DDR2: variants seen among roughly 807,000 people sequenced by gnomAD.
The protein encoded by DDR2 is discoidin domain-containing receptor 2.
A neutral mutation model predicts 94.9 loss-of-function variants in DDR2; 27 were observed. The observed-to-expected ratio is 0.28, with a 90% CI of 0.21 to 0.39. The LOEUF is 0.39. DDR2 is among the 10% of genes least tolerant of loss of function. The probability of loss-of-function intolerance (pLI) is 1.00; values close to 1 mark genes in which losing one functional copy is unlikely to be tolerated. For missense variants in DDR2, 783 were observed against 1,076.0 expected (o/e 0.73, Z 3.81); for synonymous variants, 382 against 377.2 (o/e 1.01, Z -0.15).
At chr1:162,775,945 A>AT in intron 15 of DDR2, 102 bp downstream of exon 15, 1 of 1,510,482 alleles carries the variant, frequency 6.6e-7, no homozygotes, top group Non-Finnish European at 9.1e-7. Context: ...ATGTTCTGGG[A>AT]TGGTGGGGGA....
chr1:162,766,683 C>T (rs1241707093), intron 10 of DDR2, among the ~76,000 whole-genome samples: 2 of 152,070 alleles, frequency 1.3e-5, no homozygotes, highest in Non-Finnish European at 2.9e-5. Flanking sequence ...CTCTGTCTGA[C>T]ACATGGAGAG....
chr1:162,734,900 G>A (rs77839851), intron 3 of DDR2, among the ~76,000 whole-genome samples: 3,032 of 152,268 alleles, frequency 0.02, 80 homozygotes, highest in African/African-American at 0.059. Context: ...GCTAATTTGG[G>A]CTATTGTGTG....
intron 1 of DDR2, among the ~76,000 whole-genome samples, chr1:162,641,649 A>G (rs1180732636): frequency 6.6e-6 from 1 of 152,240 alleles, no homozygotes; most frequent in Non-Finnish European, 1.5e-5. Flanking sequence ...TTTAGAGGGC[A>G]GTAATTGAAA....
rs1571252400 is a variant in DDR2, at chr1:162,728,138, C to CTCTT, written c.82+8994_82+8995insCTTT. ...ATAGATATAATCACACTATATATAT[C>CTCTT]TATATATAGATATATCTATATAAAT... On this transcript the variant is annotated intron_variant, in intron 3 of 17. Coordinates refer to ENST00000367921, the MANE Select transcript of DDR2 (RefSeq NM_006182.4). 4.3e-4 allele frequency among the ~76,000 whole-genome samples: 58 copies of CTCTT among 135,244 alleles called. 2 individuals carry two copies. The East Asian group carries it at 6.0e-3, about 14-fold the overall frequency. The allele number at this position is 135,244 out of a possible 152,430, so 88.7% of individuals were successfully genotyped here. A position where few individuals can be genotyped will look rare whatever the true frequency, so the allele number is the denominator to read the frequency against.
intron 9 of DDR2, among the ~76,000 whole-genome samples, chr1:162,763,794 G>A (rs1158689129): frequency 1.3e-5 from 2 of 152,016 alleles, no homozygotes; most frequent in Non-Finnish European, 2.9e-5. Flanking sequence ...AAGATTGTGA[G>A]TTTACATTGT....
At chr1:162,689,716 A>G (rs1659871217) in intron 2 of DDR2, among the ~76,000 whole-genome samples, 1 of 151,776 alleles carries the variant, frequency 6.6e-6, no homozygotes, top group Non-Finnish European at 1.5e-5. Flanking sequence ...CAGAAGACAG[A>G]ATGCCAGCTG....
At chr1:162,658,452 T>C (rs1658117767) in intron 2 of DDR2, among the ~76,000 whole-genome samples, 1 of 152,040 alleles carries the variant, frequency 6.6e-6, no homozygotes, top group African/African-American at 2.4e-5. Flanking sequence ...AAGCTCAGGA[T>C]CAGTGTTCAA....
rs576699968 is a variant in DDR2, at chr1:162,748,388, T to A, written c.83-4707T>A. Among the ~76,000 whole-genome samples, 349 of 152,114 alleles carry A rather than the reference T, an allele frequency of 2.3e-3. 1 individual carries two copies. The highest frequency in any genetic ancestry group is 7.2e-3 in the African/African-American group (300 of 41,474). ...AAAACAGACTTTAAACCAGCAAGGA[T>A]CAAAAGAGACAAAGAAGGCCATTAC... is the stretch of plus-strand genomic sequence containing the variant. On this transcript the variant is annotated intron_variant, in intron 3 of 17. Transcript: ENST00000367921.
rs116001119 is a variant in DDR2 at position 162,688,019 on chromosome 1, G to C, written c.-27-31018G>C. On this transcript the variant is annotated intron_variant, in intron 2 of 17. Transcript: ENST00000367921. The stretch of plus-strand genomic sequence containing the variant: ...AGGCTGACTCAGTCCAAAGGTGACT[G>C]TTTTGGAAACTTTGAATGAGATTGG... Among the ~76,000 whole-genome samples the C allele has an allele frequency of 2.6e-3, 396 of 152,300 alleles. 2 individuals are homozygous for C. Among genetic ancestry groups the C allele is most frequent in the African/African-American group, 9.1e-3 (377 of 41,560 alleles).
intron 2 of DDR2, among the ~76,000 whole-genome samples, chr1:162,656,833 GT>G (rs761726921): frequency 0.13 from 8,557 of 66,056 alleles, 613 homozygotes; most frequent in Middle Eastern, 0.27. Flanking sequence ...TGCCACTGGA[GT>G]TTTTTTTTTT....
At position 162,785,843 on chromosome 1, in the gene DDR2, C is replaced by G. The variant is rs185704118; in HGVS notation, c.*5597C>G. 24 of 152,266 alleles carry G rather than the reference C, an allele frequency of 1.6e-4. No individual in the cohort carries two copies. Among genetic ancestry groups the G allele is most frequent in the African/African-American group, 5.5e-4 (23 of 41,564 alleles). The allele number at this position is 152,266 out of a possible 1,614,324, so 9.4% of individuals were successfully genotyped here. The stretch of plus-strand genomic sequence containing the variant: ...ATGGAGAAATTGATCTATAGAACTG[C>G]TTAATTTTTTGAGGCATTTAGACAG... On this transcript the variant is annotated 3_prime_UTR_variant, in exon 18 of 18. Coordinates refer to ENST00000367921, the MANE Select transcript of DDR2 (RefSeq NM_006182.4).
At chr1:162,741,551 T>A in intron 3 of DDR2, 1 of 984,578 alleles carries the variant, frequency 1.0e-6, no homozygotes, top group Non-Finnish European at 1.2e-6. Flanking sequence ...GACAGCACTT[T>A]GCAAACTGTT....
intron 2 of DDR2, among the ~76,000 whole-genome samples, chr1:162,709,458 T>C (rs1660799974): frequency 6.6e-6 from 1 of 152,214 alleles, no homozygotes; most frequent in Non-Finnish European, 1.5e-5. Context: ...GAGGTCACTT[T>C]GCTTTTTGGG....
intron 1 of DDR2, among the ~76,000 whole-genome samples, chr1:162,639,317 G>A (rs1485947301): frequency 6.6e-6 from 1 of 152,308 alleles, no homozygotes; most frequent in East Asian, 1.9e-4. Flanking sequence ...ACAGAATAGA[G>A]AGCCCAGATA....
At chr1:162,755,845 C>A in intron 7 of DDR2, 76 bp downstream of exon 7, 1 of 1,242,542 alleles carries the variant, frequency 8.0e-7, no homozygotes, top group South Asian at 1.2e-5. Flanking sequence ...GTCTTGGGAT[C>A]AATAATCAAT....
intron 1 of DDR2, among the ~76,000 whole-genome samples, chr1:162,649,488 C>T (rs1004697472): frequency 9.2e-5 from 14 of 152,178 alleles, no homozygotes; most frequent in African/African-American, 2.9e-4. Context: ...TGTCTCTGAG[C>T]CTCAGTTTCC....
intron 1 of DDR2, among the ~76,000 whole-genome samples, chr1:162,642,632 A>G (rs1657198151): frequency 6.6e-6 from 1 of 152,066 alleles, no homozygotes; most frequent in Admixed American, 6.6e-5. Flanking sequence ...TGGTTATTCC[A>G]GGAGGGTTTC....
intron 3 of DDR2, among the ~76,000 whole-genome samples, chr1:162,729,298 A>ATGTTTTTTTT (rs1324912200): frequency 2.0e-4 from 7 of 34,446 alleles, no homozygotes; most frequent in African/African-American, 4.8e-4. Context: ...ATATATATAT[A>ATGTTTTTTTT]TATTTTTTTT....
In DDR2 at chr1:162,754,015, G is replaced by A. The variant is rs79633417; in HGVS notation, c.186-609G>A. Among the ~76,000 whole-genome samples, 1,488 of 152,268 alleles carry A rather than the reference G, an allele frequency of 9.8e-3. 22 individuals are homozygous for A. Among genetic ancestry groups the A allele is most frequent in the African/African-American group, 0.034 (1,420 of 41,544 alleles). ...TCCAAGGGAGAGGAAAAGTGGTAGG[G>A]AGTTCTCAAAGTAAACTTTATAATA... On this transcript the variant is annotated intron_variant, in intron 4 of 17. Coordinates refer to ENST00000367921, the MANE Select transcript of DDR2 (RefSeq NM_006182.4).
Sources: allele counts gnomAD v4.1 joint callset (sites outside exome capture counted in the v4.1 genomes callset), GRCh38; gene constraint gnomAD v4.1.1; transcripts MANE v1.5; gene names NCBI Gene and HGNC (gene_info 2026-07-23, HGNC 2026-07-21).